CNTNAP2: variants seen among roughly 807,000 people sequenced by gnomAD.
CNTNAP2 encodes contactin-associated protein-like 2.
A neutral mutation model predicts 155.2 loss-of-function variants in CNTNAP2; 98 were observed. That is an observed-to-expected ratio of 0.63 (90% confidence interval 0.54 to 0.75). The LOEUF (loss-of-function observed/expected upper bound fraction) is 0.75, where lower values mean the gene tolerates loss of function less well. Among genes scored for constraint, CNTNAP2 ranks in the 30% least tolerant of loss-of-function variants. The pLI, the probability that CNTNAP2 is intolerant of heterozygous loss-of-function variation, is 0.00. For synonymous variants in CNTNAP2, 651 were observed against 631.2 expected, an observed-to-expected ratio of 1.03 and a Z score of -0.47; for missense variants, 1,727 against 1,688.1, an observed-to-expected ratio of 1.02 and a Z score of -0.40.
intron 18 of CNTNAP2, among the ~76,000 whole-genome samples, chr7:148,200,525 G>A (rs1000875546): frequency 1.3e-5 from 2 of 151,536 alleles, no homozygotes; most frequent in Non-Finnish European, 1.5e-5. Flanking sequence ...CTCCTGAGTA[G>A]CAGGGATTAC....
chr7:147,131,810 GTAATATGTTAAT>G (rs1308702217), intron 7 of CNTNAP2, among the ~76,000 whole-genome samples: 1 of 151,934 alleles, frequency 6.6e-6, no homozygotes, highest in African/African-American at 2.4e-5. Flanking sequence ...TGAGACCAGA[GTAATATGTTAAT>G]TAATGTTGGC....
intron 1 of CNTNAP2, among the ~76,000 whole-genome samples, chr7:146,162,032 A>C (rs1438068254): frequency 1.3e-5 from 2 of 152,316 alleles, no homozygotes; most frequent in Admixed American, 6.5e-5. Context: ...TAAAGACTTA[A>C]ATGTTAGACC....
chr7:148,272,891 T>G (rs532957148), intron 21 of CNTNAP2, among the ~76,000 whole-genome samples: 3 of 152,172 alleles, frequency 2.0e-5, no homozygotes, highest in Admixed American at 6.5e-5. Flanking sequence ...TGGGAATGTC[T>G]GATCAGAAAA....
chr7:147,694,937 CT>C (rs1384057971), intron 13 of CNTNAP2, among the ~76,000 whole-genome samples: 2 of 152,010 alleles, frequency 1.3e-5, no homozygotes, highest in African/African-American at 4.8e-5. Flanking sequence ...GTTTATATGG[CT>C]GATTTTAGAT....
intron 13 of CNTNAP2, among the ~76,000 whole-genome samples, chr7:147,778,965 G>T (rs1797627613): frequency 6.6e-6 from 1 of 152,116 alleles, no homozygotes; most frequent in South Asian, 2.1e-4. Flanking sequence ...CTACAAATGG[G>T]TTTCACCACC....
At chr7:146,572,386 C>A (rs1345469927) in intron 1 of CNTNAP2, among the ~76,000 whole-genome samples, 1 of 150,586 alleles carries the variant, frequency 6.6e-6, no homozygotes, top group Non-Finnish European at 1.5e-5. Flanking sequence ...TTTTTCTTTA[C>A]AGTCTCAGAC....
chr7:148,347,806 GA>G (rs1300136585), intron 21 of CNTNAP2, among the ~76,000 whole-genome samples: 23 of 152,140 alleles, frequency 1.5e-4, no homozygotes, highest in Non-Finnish European at 2.8e-4. Context: ...GTGGGCGATG[GA>G]TACAAAGATA....
At chr7:147,665,793 A>T (rs577602828) in intron 13 of CNTNAP2, among the ~76,000 whole-genome samples, 130 of 152,318 alleles carry the variant, frequency 8.5e-4, no homozygotes, top group African/African-American at 3.0e-3. Flanking sequence ...CCTACAGAGG[A>T]CATGACCTCA....
intron 1 of CNTNAP2, among the ~76,000 whole-genome samples, chr7:146,642,155 A>C (rs1028837163): frequency 6.6e-6 from 1 of 150,996 alleles, no homozygotes; most frequent in African/African-American, 2.4e-5. Flanking sequence ...TTTTATTTTT[A>C]TTTTTTAATT....
intron 1 of CNTNAP2, among the ~76,000 whole-genome samples, chr7:146,655,634 C>A (rs112643267): frequency 0.014 from 2,066 of 152,056 alleles, 36 homozygotes; most frequent in Non-Finnish European, 0.022. Context: ...ATTGATCTCC[C>A]TACATGTTAC....
At chr7:146,229,290 A>G (rs1562998467) in intron 1 of CNTNAP2, among the ~76,000 whole-genome samples, 1 of 152,206 alleles carries the variant, frequency 6.6e-6, no homozygotes, top group South Asian at 2.1e-4. Flanking sequence ...AGTGGTATAC[A>G]AACTTGTTTG....
chr7:147,741,591 T>C lies in CNTNAP2; in HGVS notation c.2098+102285T>C, dbSNP rs116726722. On this transcript the variant is annotated intron_variant, in intron 13 of 23. Coordinates refer to ENST00000361727, the MANE Select transcript of CNTNAP2 (RefSeq NM_014141.6). ...TTTGACTCATGGTTTATACATACTT[T>C]TGTATTAAGTTGTGTAGCATAAAAA... is the stretch of plus-strand genomic sequence containing the variant. 7.5e-3 allele frequency among the ~76,000 whole-genome samples: 1,137 copies of C among 152,302 alleles called. 8 individuals are homozygous for C. Among genetic ancestry groups the C allele is most frequent in the African/African-American group, 0.026 (1,092 of 41,556 alleles).
At chr7:147,063,305 G>T (rs73467083) in intron 4 of CNTNAP2, among the ~76,000 whole-genome samples, 9,123 of 152,166 alleles carry the variant, frequency 0.06, 709 homozygotes, top group African/African-American at 0.18. Context: ...TCTTAAAATA[G>T]TTGTGAAAGA....
intron 1 of CNTNAP2, among the ~76,000 whole-genome samples, chr7:146,374,307 A>G (rs1429142259): frequency 1.3e-5 from 2 of 152,228 alleles, no homozygotes; most frequent in Non-Finnish European, 2.9e-5. Context: ...ATTTTACCAG[A>G]AATTCACTCA....
intron 1 of CNTNAP2, among the ~76,000 whole-genome samples, chr7:146,656,288 G>A (rs906225244): frequency 1.2e-4 from 19 of 152,092 alleles, no homozygotes; most frequent in African/African-American, 4.6e-4. Flanking sequence ...CCTGGCAAAG[G>A]AACTAAGTAA....
At chr7:147,812,457 A>C (rs556305946) in intron 13 of CNTNAP2, among the ~76,000 whole-genome samples, 50 of 151,926 alleles carry the variant, frequency 3.3e-4, no homozygotes, top group Admixed American at 2.8e-3. Context: ...TTTACAGTAC[A>C]GAGTTCTTAT....
At chr7:146,170,018 C>CTTTTTT (rs71175637) in intron 1 of CNTNAP2, among the ~76,000 whole-genome samples, 2 of 126,966 alleles carry the variant, frequency 1.6e-5, no homozygotes, top group African/African-American at 2.9e-5. Context: ...CCTTTCTTTT[C>CTTTTTT]TTTTTTTTTT....
At chr7:146,926,717 A>G (rs1424846617) in intron 3 of CNTNAP2, among the ~76,000 whole-genome samples, 2 of 152,170 alleles carry the variant, frequency 1.3e-5, no homozygotes, top group African/African-American at 4.8e-5. Flanking sequence ...TATAAAGTCT[A>G]TGAATTAAAT....
chr7:147,680,469 A>G (rs1795931082), intron 13 of CNTNAP2, among the ~76,000 whole-genome samples: 1 of 151,924 alleles, frequency 6.6e-6, no homozygotes, highest in Non-Finnish European at 1.5e-5. Context: ...ATGGACCAGA[A>G]TGAACACTGG....
Sources: allele counts gnomAD v4.1 joint callset (sites outside exome capture counted in the v4.1 genomes callset), GRCh38; gene constraint gnomAD v4.1.1; transcripts MANE v1.5; gene names NCBI Gene and HGNC (gene_info 2026-07-23, HGNC 2026-07-21).